DMD: variants seen among roughly 807,000 people sequenced by gnomAD.
DMD encodes the protein dystrophin.
A neutral mutation model predicts 330.1 loss-of-function variants in DMD; 63 were observed. The observed-to-expected ratio is 0.19, with a 90% CI of 0.16 to 0.24. The LOEUF (loss-of-function observed/expected upper bound fraction) is 0.24, where lower values mean the gene tolerates loss of function less well. DMD is among the 10% of genes least tolerant of loss of function. The pLI is 1.00. For synonymous variants in DMD, 1,223 were observed against 959.8 expected (o/e 1.27, Z -5.07); for missense variants, 3,344 against 2,684.1 (o/e 1.25, Z -5.43).
chrX:31,843,847 T>TTATTGTATTGTATTG (rs57045672), intron 48 of DMD, among the ~76,000 whole-genome samples: 53 of 109,213 alleles, frequency 4.9e-4, no homozygotes, highest in African/African-American at 1.8e-3. Flanking sequence ...GTTTGAGATT[T>TTATTGTATTGTATTG]TATTGTATTG....
intron 45 of DMD, among the ~76,000 whole-genome samples, chrX:31,967,297 G>GGTGTGTGTGTGT (rs746437287): frequency 8.0e-5 from 6 of 74,583 alleles, no homozygotes; most frequent in Non-Finnish European, 1.1e-4. Flanking sequence ...TTTGGCAAGG[G>GGTGTGTGTGTGT]GTGTGTGTGT....
At chrX:32,864,077 A>T (rs757788580) in intron 2 of DMD, among the ~76,000 whole-genome samples, 2 of 112,777 alleles carry the variant, frequency 1.8e-5, no homozygotes, top group South Asian at 7.3e-4. Flanking sequence ...TAGTGGTCCA[A>T]CTTTATGCAA....
chrX:32,513,111 T>A (rs2045508933), intron 18 of DMD, among the ~76,000 whole-genome samples: 1 of 112,190 alleles, frequency 8.9e-6, no homozygotes, highest in African/African-American at 3.2e-5. Flanking sequence ...GCTTTTATCT[T>A]GATTCATCAC....
chrX:32,715,468 T>C (rs1349519927), intron 7 of DMD, among the ~76,000 whole-genome samples: 6 of 17,011 alleles, frequency 3.5e-4, no homozygotes, highest in Non-Finnish European at 5.2e-4. Context: ...AGAGATTCCA[T>C]CAAAAAAAAA....
chrX:32,615,951 T>A (rs1394668169), intron 11 of DMD, among the ~76,000 whole-genome samples: 1 of 111,443 alleles, frequency 9.0e-6, no homozygotes, highest in South Asian at 3.7e-4. Flanking sequence ...TTACACTCAA[T>A]TGTCCTGTTT....
At chrX:32,592,136 GCA>G (rs1471009333) in intron 13 of DMD, among the ~76,000 whole-genome samples, 1 of 111,368 alleles carries the variant, frequency 9.0e-6, no homozygotes, top group African/African-American at 3.3e-5. Context: ...GTGGCAGGAG[GCA>G]GACTGGCTCC....
chrX:32,767,497 A>G (rs1407147816), intron 7 of DMD, among the ~76,000 whole-genome samples: 1 of 111,500 alleles, frequency 9.0e-6, no homozygotes, highest in Admixed American at 9.5e-5. Flanking sequence ...TATAGTCCCA[A>G]TTCTGACGTT....
At chrX:32,025,838 G>T (rs2095842164) in intron 44 of DMD, among the ~76,000 whole-genome samples, 1 of 111,434 alleles carries the variant, frequency 9.0e-6, no homozygotes, top group Admixed American at 9.6e-5. Context: ...CAGGTAACAG[G>T]GATAATGACA....
At chrX:31,732,406 C>G (rs1035398777) in intron 51 of DMD, among the ~76,000 whole-genome samples, 1 of 110,936 alleles carries the variant, frequency 9.0e-6, no homozygotes, top group Non-Finnish European at 1.9e-5. Flanking sequence ...ATATGGCATA[C>G]GCTTCAGTAT....
intron 61 of DMD, among the ~76,000 whole-genome samples, chrX:31,329,555 T>C (rs977040327): frequency 9.0e-6 from 1 of 111,634 alleles, no homozygotes; most frequent in African/African-American, 3.3e-5. Flanking sequence ...AAACGAGAAA[T>C]TGTTATTCAA....
intron 2 of DMD, among the ~76,000 whole-genome samples, chrX:32,888,932 G>T (rs11796464): frequency 0.14 from 14,486 of 106,667 alleles, 746 homozygotes; most frequent in South Asian, 0.24. Flanking sequence ...TTTTTTTTTT[G>T]GAAAAAAATG....
intron 37 of DMD, among the ~76,000 whole-genome samples, chrX:32,362,207 T>C (rs2097838843): frequency 9.0e-6 from 1 of 111,634 alleles, no homozygotes; most frequent in Non-Finnish European, 1.9e-5. Flanking sequence ...ATCATTTCAT[T>C]ATAGCCTAAT....
intron 50 of DMD, among the ~76,000 whole-genome samples, chrX:31,786,217 T>C (rs2091289321): frequency 8.9e-6 from 1 of 112,379 alleles, no homozygotes; most frequent in Admixed American, 9.4e-5. Flanking sequence ...ATGAGCTTTT[T>C]TTCATGTGTC....
At chrX:32,592,738 G>A (rs2055063143) in intron 13 of DMD, among the ~76,000 whole-genome samples, 1 of 112,353 alleles carries the variant, frequency 8.9e-6, no homozygotes, top group African/African-American at 3.2e-5. Context: ...AAGAGCTGTG[G>A]CCTTTTGCAG....
chrX:32,534,450 C>A, intron 17 of DMD, among the ~76,000 whole-genome samples: 1 of 111,227 alleles, frequency 9.0e-6, no homozygotes, highest in Non-Finnish European at 1.9e-5. Context: ...CTCTCCTTGT[C>A]CCATTCTTCC....
rs140254371 is a variant in DMD, at chrX:32,485,559, G to C, written c.2623-460C>G. Among the ~76,000 whole-genome samples the C allele has an allele frequency of 5.5e-3, 592 of 108,315 alleles. 1 individual carries two copies. The highest frequency in any genetic ancestry group is 0.019 in the African/African-American group (575 of 29,947). The allele number at this position is 108,315 out of a possible 115,157, so 94.1% of individuals were successfully genotyped here. A position where few individuals can be genotyped will look rare whatever the true frequency, so the allele number is the denominator to read the frequency against. ...TATATACCTACATATATGTATATGT[G>C]TATACTATAATTATAAATATATTTT... On this transcript the variant is annotated intron_variant, in intron 20 of 78. Transcript: ENST00000357033.
chrX:31,715,255 T>TAAG (rs76433883), intron 52 of DMD, among the ~76,000 whole-genome samples: 16,294 of 108,219 alleles, frequency 0.15, 1,178 homozygotes, highest in Admixed American at 0.3. Context: ...TTCTTAAGAT[T>TAAG]AAGAGCTGGC....
At chrX:32,940,278 TACCACAGAC>T (rs2090315816) in intron 2 of DMD, among the ~76,000 whole-genome samples, 1 of 112,265 alleles carries the variant, frequency 8.9e-6, no homozygotes, top group Admixed American at 9.5e-5. Flanking sequence ...TAAGTTTTCT[TACCACAGAC>T]ACAAAATAAC....
Position 32,501,816 on chromosome X carries a change from C to T in DMD, c.2319G>A (p.Lys773=). Residue 773 remains lysine (K), a synonymous_variant, in exon 19 of 79, where the codon AAG becomes AAA. Coordinates refer to ENST00000357033, the MANE Select transcript of DMD (RefSeq NM_004006.3). The part of the protein sequence containing the change: ...VNAIEREKAE[K]FRKLQDASRS... Reference sequence around the variant, plus strand: ...TGCTGGCATCTTGCAGTTTTCTGAACTTCTCAGCTTTTTCTCGCTCTATGG... The same window carrying T: ...TGCTGGCATCTTGCAGTTTTCTGAATTTCTCAGCTTTTTCTCGCTCTATGG... The T allele has an allele frequency of 8.3e-7, 1 of 1,207,718 alleles. No homozygotes were observed.
Sources: allele counts gnomAD v4.1 joint callset (sites outside exome capture counted in the v4.1 genomes callset), GRCh38; gene constraint gnomAD v4.1.1; transcripts MANE v1.5; gene names NCBI Gene and HGNC (gene_info 2026-07-23, HGNC 2026-07-21).